The following MRPS6 variants were observed in gnomAD, a reference collection of about 807,000 sequenced individuals.
MRPS6 encodes small ribosomal subunit protein bS6m.
A neutral mutation model predicts 13.1 loss-of-function variants in MRPS6; 6 were observed. The observed-to-expected ratio is 0.46, with a 90% CI of 0.25 to 0.91. The LOEUF (loss-of-function observed/expected upper bound fraction) is 0.91. Among genes scored for constraint, MRPS6 ranks in the 40% least tolerant of loss-of-function variants. The pLI is 0.18. For synonymous variants in MRPS6, 61 were observed against 56.5 expected, an observed-to-expected ratio of 1.08 and a Z score of -0.36; for missense variants, 164 against 155.6, an observed-to-expected ratio of 1.05 and a Z score of -0.29.
intron 2 of MRPS6, among the ~76,000 whole-genome samples, chr21:34,131,208 T>G (rs981462865): frequency 6.6e-6 from 1 of 152,216 alleles, no homozygotes; most frequent in African/African-American, 2.4e-5. Flanking sequence ...TCAGTTGCAA[T>G]GTAGTCAAAT....
At chr21:34,122,169 T>C (rs1268299499) in intron 1 of MRPS6, 2 of 152,236 alleles carry the variant, frequency 1.3e-5, no homozygotes, top group Non-Finnish European at 2.9e-5. Context: ...CCATGTGGTC[T>C]CTTGTAATTA....
chr21:34,089,894 T>C (rs1016083978), intron 1 of MRPS6, among the ~76,000 whole-genome samples: 1 of 152,216 alleles, frequency 6.6e-6, no homozygotes, highest in Non-Finnish European at 1.5e-5. Context: ...CTTTATATTT[T>C]AGGGATGGTT....
chr21:34,107,782 G>A (rs1173034856), intron 1 of MRPS6, among the ~76,000 whole-genome samples: 2 of 152,060 alleles, frequency 1.3e-5, no homozygotes, highest in Non-Finnish European at 2.9e-5. Flanking sequence ...TTTATCAATG[G>A]TTTCTTTGTC....
At chr21:34,100,563 A>C in intron 1 of MRPS6, 1 of 1,000,272 alleles carries the variant, frequency 1.0e-6, no homozygotes, top group African/African-American at 1.7e-5. Context: ...ATTTTGGCAC[A>C]AAGAGCCTGG....
chr21:34,116,322 T>G (rs1396731661), intron 1 of MRPS6, among the ~76,000 whole-genome samples: 5 of 151,424 alleles, frequency 3.3e-5, no homozygotes, highest in Non-Finnish European at 4.4e-5. Flanking sequence ...ATCCATGTTT[T>G]TTTTTTTTTT....
At chr21:34,084,142 T>C (rs1184287100) in intron 1 of MRPS6, among the ~76,000 whole-genome samples, 2 of 152,238 alleles carry the variant, frequency 1.3e-5, no homozygotes, top group African/African-American at 4.8e-5. Context: ...TTGAGTGTTA[T>C]ATTCTCCAAA....
intron 1 of MRPS6, chr21:34,097,118 TGAGAAAGA>T (rs1988603070): frequency 6.2e-7 from 1 of 1,613,766 alleles, no homozygotes; most frequent in Non-Finnish European, 8.5e-7. Context: ...CTCTCATGGG[TGAGAAAGA>T]GAGAAAGAAA....
intron 1 of MRPS6, among the ~76,000 whole-genome samples, chr21:34,120,704 A>T (rs1306276186): frequency 2.0e-5 from 3 of 152,198 alleles, no homozygotes; most frequent in Non-Finnish European, 2.9e-5. Context: ...TTATATGTGT[A>T]TTGGAATTTG....
At chr21:34,095,979 T>C in intron 1 of MRPS6, 1 of 1,614,140 alleles carries the variant, frequency 6.2e-7, no homozygotes, top group Non-Finnish European at 8.5e-7. Context: ...AGATGTTCCT[T>C]GGCCTGGATT....
Position 34,100,596 on chromosome 21 carries a change from C to CT in MRPS6, c.46-24743dup, listed in dbSNP as rs758443609. On this transcript the variant is annotated intron_variant, in intron 1 of 2. Coordinates refer to ENST00000399312, the MANE Select transcript of MRPS6 (RefSeq NM_032476.4). ...TGGCCAGGGTCATGTAGCCATAGCT[C>CT]TTAGGGATGATACCTCAAGAAATTA... The CT allele has an allele frequency of 4.1e-4, 411 of 1,000,042 alleles. 3 individuals are homozygous for CT. The Middle Eastern group carries it at 6.2e-3, about 15-fold the overall frequency. 61.9% of individuals were successfully genotyped at this position (1,000,042 alleles called of 1,614,324 possible).
intron 2 of MRPS6, 118 bp from the exon 3 acceptor site, chr21:34,142,290 G>A: frequency 9.3e-7 from 1 of 1,074,290 alleles, no homozygotes; most frequent in Non-Finnish European, 1.3e-6. Flanking sequence ...GTGTGTGTAT[G>A]TGTGTGTTTG....
intron 1 of MRPS6, chr21:34,102,985 T>A: frequency 1.0e-6 from 1 of 999,986 alleles, no homozygotes; most frequent in Non-Finnish European, 1.2e-6. Flanking sequence ...AGTGTTTACT[T>A]TTTATTGCTC....
intron 1 of MRPS6, among the ~76,000 whole-genome samples, chr21:34,084,606 C>G (rs1989530648): frequency 6.6e-6 from 1 of 152,128 alleles, no homozygotes; most frequent in African/African-American, 2.4e-5. Flanking sequence ...GTACAATTCT[C>G]TTGAATCCTC....
At chr21:34,087,085 G>C (rs887563095) in intron 1 of MRPS6, among the ~76,000 whole-genome samples, 1 of 152,216 alleles carries the variant, frequency 6.6e-6, no homozygotes, top group Admixed American at 6.5e-5. Flanking sequence ...ACTGGTGGTA[G>C]GTGGTAGGTT....
chr21:34,116,997 C>G (rs1979944538), intron 1 of MRPS6, among the ~76,000 whole-genome samples: 2 of 152,170 alleles, frequency 1.3e-5, no homozygotes, highest in South Asian at 4.1e-4. Flanking sequence ...AGGTTTAGGT[C>G]CTTTCCCTGT....
At chr21:34,078,440 A>G (rs989860970) in intron 1 of MRPS6, among the ~76,000 whole-genome samples, 8 of 152,106 alleles carry the variant, frequency 5.3e-5, no homozygotes, top group African/African-American at 1.9e-4. Flanking sequence ...TATGGTTTGT[A>G]TGTATGAAGA....
At chr21:34,082,364 C>G (rs1989478502) in intron 1 of MRPS6, among the ~76,000 whole-genome samples, 1 of 152,188 alleles carries the variant, frequency 6.6e-6, no homozygotes, top group Admixed American at 6.5e-5. Context: ...CAGAGCTGCA[C>G]CGTGTAAACT....
At chr21:34,116,791 G>T (rs1979931464) in intron 1 of MRPS6, among the ~76,000 whole-genome samples, 1 of 151,998 alleles carries the variant, frequency 6.6e-6, no homozygotes, top group South Asian at 2.1e-4. Context: ...AACATTTATT[G>T]CCCCCCTTTC....
chr21:34,076,627 TAAA>T (rs960267733), intron 1 of MRPS6, among the ~76,000 whole-genome samples: 1 of 152,228 alleles, frequency 6.6e-6, no homozygotes, highest in Non-Finnish European at 1.5e-5. Flanking sequence ...GCTTGATTTT[TAAA>T]AAAGTGTGTA....
Sources: allele counts gnomAD v4.1 joint callset (sites outside exome capture counted in the v4.1 genomes callset), GRCh38; gene constraint gnomAD v4.1.1; transcripts MANE v1.5; gene names NCBI Gene and HGNC (gene_info 2026-07-23, HGNC 2026-07-21).